The following POLR3A variants were observed in gnomAD, a reference collection of about 807,000 sequenced individuals.
POLR3A encodes the protein RNA polymerase III subunit A, also known as DNA-directed RNA polymerase III subunit RPC1.
A neutral mutation model predicts 152.8 loss-of-function variants in POLR3A; 112 were observed. The ratio of observed to expected loss-of-function variants is 0.73; its 90% CI spans 0.63 to 0.86. POLR3A has a LOEUF of 0.86. POLR3A is among the 40% of genes least tolerant of loss of function. The pLI, the probability that POLR3A is intolerant of heterozygous loss-of-function variation, is 0.00. For missense variants in POLR3A, 1,385 were observed against 1,743.1 expected (o/e 0.79, Z 3.66); for synonymous variants, 615 against 652.1 (o/e 0.94, Z 0.87).
At chr10:78,026,303 C>A in intron 1 of POLR3A, 74 bp from the exon 2 acceptor site, 1 of 1,450,680 alleles carries the variant, frequency 6.9e-7, no homozygotes, top group African/African-American at 1.4e-5. Context: ...ACATAGCCCA[C>A]CATAACCAAC....
chr10:78,000,502 C>T (rs1247124930), intron 18 of POLR3A, among the ~76,000 whole-genome samples: 1 of 152,192 alleles, frequency 6.6e-6, no homozygotes, highest in Non-Finnish European at 1.5e-5. Context: ...GCCAGACCTG[C>T]CCACCTACAA....
At position 78,009,657 on chromosome 10, in the gene POLR3A, C is replaced by T. The variant is rs1263350199; in HGVS notation, c.1789G>A (p.Gly597Arg). The change falls in exon 14 of 31, where the codon GGA becomes AGA. Residue 597 changes from glycine to arginine, a missense_variant. By Grantham distance (125) the Gly-to-Arg change is moderately radical. Coordinates refer to ENST00000372371, the MANE Select transcript of POLR3A (RefSeq NM_007055.4). Reference protein sequence around the residue: ...TILKPVTLWTGKQIFSVILRP... With the variant: ...TILKPVTLWTRKQIFSVILRP... ...AGGATGACACTGAAGATCTGCTTTCCCGTCCACAGGGTGACAGGCTGAGGG... is the reference window on the plus strand; with the variant it reads ...AGGATGACACTGAAGATCTGCTTTCTCGTCCACAGGGTGACAGGCTGAGGG... 3.7e-6 allele frequency: 6 copies of T among 1,614,162 alleles called. No individual in the cohort carries two copies. The highest frequency in any genetic ancestry group is 4.2e-6 in the Non-Finnish European group (5 of 1,180,038).
chr10:77,977,204 C>G lies in POLR3A; in HGVS notation c.*274G>C. 1 of 434,392 alleles carries G rather than the reference C, an allele frequency of 2.3e-6. No individual in the cohort carries two copies. The highest frequency in any genetic ancestry group is 4.3e-6 in the Non-Finnish European group (1 of 233,068). 26.9% of individuals were successfully genotyped at this position (434,392 alleles called of 1,614,324 possible). A position where few individuals can be genotyped will look rare whatever the true frequency, so the allele number is the denominator to read the frequency against. ...TTTAAGTCCAGGGAAGCAGTGTGTG[C>G]ACGAGCTGTGGGGCCGTCTATAGAT... On this transcript the variant is annotated 3_prime_UTR_variant, in exon 31 of 31. Transcript: ENST00000372371.
intron 21 of POLR3A, among the ~76,000 whole-genome samples, chr10:77,987,753 T>C (rs1847211298): frequency 6.6e-6 from 1 of 152,234 alleles, no homozygotes; most frequent in Non-Finnish European, 1.5e-5. Flanking sequence ...AGCAAACTGC[T>C]AGAACTTTAT....
At position 77,997,926 on chromosome 10, in the gene POLR3A, CAGAGATATAGACTGGTACCAA is replaced by C. The variant is rs1847318239; in HGVS notation, c.2616+2034_2616+2054del. Among the ~76,000 whole-genome samples, 7 of 152,014 alleles carry C rather than the reference CAGAGATATAGACTGGTACCAA, an allele frequency of 4.6e-5. No individual in the cohort carries two copies. The East Asian group carries it at 1.4e-3, about 31-fold the overall frequency. ...CTACACAAGGCTACAGTAACCAAAACAGAGATATAGACTGGTACCAAAACAGAGATATAGACCAGTGGAACA... is the reference window on the plus strand; with the variant it reads ...CTACACAAGGCTACAGTAACCAAAACAACAGAGATATAGACCAGTGGAACA... On this transcript the variant is annotated intron_variant, in intron 19 of 30. Coordinates refer to ENST00000372371, the MANE Select transcript of POLR3A (RefSeq NM_007055.4).
intron 8 of POLR3A, among the ~76,000 whole-genome samples, chr10:78,021,326 C>T (rs1354365724): frequency 6.6e-6 from 1 of 152,076 alleles, no homozygotes; most frequent in African/African-American, 2.4e-5. Context: ...TGAGTAAATA[C>T]ACATGAAACT....
At chr10:77,985,847 A>G in intron 23 of POLR3A, 56 bp downstream of exon 23, 1 of 1,268,418 alleles carries the variant, frequency 7.9e-7, no homozygotes, top group Non-Finnish European at 1.2e-6. Flanking sequence ...GGGAAACAGA[A>G]GGGATACGTG....
Position 78,010,505 on chromosome 10 carries a change from T to A in POLR3A, c.1608A>T (p.Glu536Asp), listed in dbSNP as rs771072276. The A allele has an allele frequency of 6.2e-7, 1 of 1,614,124 alleles. No individual in the cohort carries two copies. Among genetic ancestry groups the A allele is most frequent in the Non-Finnish European group, 8.5e-7 (1 of 1,179,942 alleles). Residue 536 changes from glutamate to aspartate, a missense_variant, in exon 12 of 31, where the codon GAA becomes GAT. Glu to Asp is a conservative substitution (Grantham distance 45). Around this residue, in one of 7 missense-constraint regions of POLR3A, gnomAD observed 188 missense variants for 179.9 expected, o/e 1.04. Coordinates refer to ENST00000372371, the MANE Select transcript of POLR3A (RefSeq NM_007055.4). ...AATCCTGAATAGCAGCAATCAGCGG[T>A]TCCCCATTCCTCGGGGTTACAAGAT... is the stretch of plus-strand genomic sequence containing the variant. ...KANLVTPRNG[E>D]PLIAAIQDFL...
At chr10:78,024,169 G>T (rs941571708) in intron 5 of POLR3A, among the ~76,000 whole-genome samples, 1 of 151,984 alleles carries the variant, frequency 6.6e-6, no homozygotes, top group Non-Finnish European at 1.5e-5. Context: ...TTCAAGACTG[G>T]CCTGGCCAAT....
At chr10:78,013,952 C>T (rs958147939) in intron 10 of POLR3A, among the ~76,000 whole-genome samples, 162 bp from the exon 11 acceptor site, 3 of 152,018 alleles carry the variant, frequency 2.0e-5, no homozygotes, top group Non-Finnish European at 2.9e-5. Context: ...TCATTTAGGA[C>T]TCATTCCCAG....
At chr10:77,999,065 G>T (rs1847329665) in intron 19 of POLR3A, among the ~76,000 whole-genome samples, 1 of 152,040 alleles carries the variant, frequency 6.6e-6, no homozygotes, top group African/African-American at 2.4e-5. Flanking sequence ...AAAACCAAAT[G>T]CCGCATGTTC....
chr10:77,980,921 G>A (rs1847134810), intron 29 of POLR3A, among the ~76,000 whole-genome samples: 1 of 152,034 alleles, frequency 6.6e-6, no homozygotes, highest in African/African-American at 2.4e-5. Flanking sequence ...AAAACCTGCT[G>A]CCCTAAGGCA....
chr10:78,028,427 A>T (rs934977929), intron 1 of POLR3A, among the ~76,000 whole-genome samples: 2 of 152,160 alleles, frequency 1.3e-5, no homozygotes, highest in South Asian at 4.1e-4. Flanking sequence ...TTAGGCAGTA[A>T]AAGTTTTATT....
intron 15 of POLR3A, among the ~76,000 whole-genome samples, chr10:78,006,604 T>C (rs936579850): frequency 6.6e-6 from 1 of 151,758 alleles, no homozygotes; most frequent in Admixed American, 6.6e-5. Context: ...TAATATGTAA[T>C]TAACTGAAGT....
chr10:77,992,396 G>T (rs1362719848), intron 20 of POLR3A, among the ~76,000 whole-genome samples: 1 of 146,896 alleles, frequency 6.8e-6, no homozygotes, highest in East Asian at 2.0e-4. Flanking sequence ...AGCCTCCTGA[G>T]TAGCTGGAAC....
In POLR3A at chr10:78,002,447, T is replaced by G. The variant is rs1309231890; in HGVS notation, c.2248-139A>C. The G allele has an allele frequency of 9.8e-6, 7 of 711,846 alleles. No homozygotes were observed. The Admixed American group carries it at 1.4e-4, about 15-fold the overall frequency. The allele number at this position is 711,846 out of a possible 1,614,324, so 44.1% of individuals were successfully genotyped here. A position where few individuals can be genotyped will look rare whatever the true frequency, so the allele number is the denominator to read the frequency against. On this transcript the variant is annotated intron_variant, in intron 16 of 30. Coordinates refer to ENST00000372371, the MANE Select transcript of POLR3A (RefSeq NM_007055.4). ...TCCGATCAGTAAATGTTTCAGAACC[T>G]TAGAGGAGCAAAATGCCCTGGCTAT...
In POLR3A at chr10:78,004,815, C is replaced by A; in HGVS notation, c.2148G>T (p.Leu716Phe). ...GQGLLKAKYE[L>F]LNAGYKKCDE... is the part of the protein sequence containing the mutation. ...CACATTTCTTGTAGCCGGCATTCAG[C>A]AACTCATACTTGGCCTTCAGCAGTC... The change falls in exon 16 of 31, where the codon TTG (leucine) becomes TTT (phenylalanine). Residue 716 changes from leucine to phenylalanine, a missense_variant. By Grantham distance (22) the Leu-to-Phe change is conservative (BLOSUM62 0). Transcript: ENST00000372371. 1 of 1,614,076 alleles carries A rather than the reference C, an allele frequency of 6.2e-7. No individual in the cohort carries two copies.
intron 8 of POLR3A, 75 bp downstream of exon 8, chr10:78,021,471 T>C: frequency 6.7e-6 from 10 of 1,499,554 alleles, no homozygotes; most frequent in East Asian, 2.3e-5. Context: ...CTACTGCCTG[T>C]TGTTTGCAAT....
Position 77,984,216 on chromosome 10 carries a change from G to C in POLR3A, c.3325C>G (p.Leu1109Val). 1 of 1,602,230 alleles carries C rather than the reference G, an allele frequency of 6.2e-7. No individual in the cohort carries two copies. Among genetic ancestry groups the C allele is most frequent in the South Asian group, 1.1e-5 (1 of 90,860 alleles). ...GGATTTCTTCTTACCTCTCCCAAGA[G>C]GGTTTTCTCAATTCTCCCTTTCACG... ...RLVKGRIEKT[L>V]LGEISEYIEE... is the part of the protein sequence containing the mutation. Residue 1109 changes from leucine (L) to valine (V), a missense_variant, in exon 25 of 31, where the codon CTC (leucine) becomes GTC (valine). Transcript: ENST00000372371.
Sources: gnomAD v4.1 joint callset for allele counts (sites outside exome capture counted in the v4.1 genomes callset) on GRCh38, gnomAD v4.1.1 for gene constraint, gnomAD v4.1.1 regional missense constraint, MANE v1.5 for transcripts, NCBI Gene and HGNC (gene_info 2026-07-23, HGNC 2026-07-21) for gene names.